Variants in ABCA10 observed in about 807,000 individuals in gnomAD.
ABCA10 encodes the protein ATP binding cassette subfamily A member 10, also known as ATP-binding cassette sub-family A member 10.
ABCA10 carries 169 observed loss-of-function variants against 187.5 expected under a neutral mutation model. The observed-to-expected ratio is 0.90, with a 90% CI of 0.80 to 1.02. The LOEUF (loss-of-function observed/expected upper bound fraction) is 1.02. ABCA10 is among the 50% of genes least tolerant of loss of function. The probability of loss-of-function intolerance (pLI) is 0.00; values close to 1 mark genes in which losing one functional copy is unlikely to be tolerated. For synonymous variants in ABCA10, 574 were observed against 601.8 expected (o/e 0.95, Z 0.68); for missense variants, 1,727 against 1,812.4 (o/e 0.95, Z 0.86).
In ABCA10 at chr17:69,196,340, G is replaced by A. The variant is rs1372991530; in HGVS notation, c.1234+724C>T. The A allele has an allele frequency of 5.7e-5, 10 of 173,992 alleles. No individual in the cohort carries two copies. The East Asian group carries it at 1.4e-3, about 25-fold the overall frequency. 10.8% of individuals were successfully genotyped at this position (173,992 alleles called of 1,614,324 possible). A position where few individuals can be genotyped will look rare whatever the true frequency, so the allele number is the denominator to read the frequency against. Reference sequence around the variant, plus strand: ...CTCCTCATCTCCCAGACAGGGTGGCGGTCGGGCAGAGACACTCCTCAGTTC... The same window carrying A: ...CTCCTCATCTCCCAGACAGGGTGGCAGTCGGGCAGAGACACTCCTCAGTTC... On this transcript the variant is annotated intron_variant, in intron 11 of 38. Transcript: ENST00000690296.
upstream of ABCA10, among the ~76,000 whole-genome samples, chr17:69,232,268 C>A (rs1236528860): frequency 6.6e-6 from 1 of 152,058 alleles, no homozygotes; most frequent in Non-Finnish European, 1.5e-5. Flanking sequence ...GGGCTTACTG[C>A]TGCCATTTTG....
chr17:69,199,266 C>CTTCTT (rs10654119), intron 10 of ABCA10, among the ~76,000 whole-genome samples: 112,129 of 151,470 alleles, frequency 0.74, 41,984 homozygotes, highest in African/African-American at 0.83. Flanking sequence ...AGCTCTACTA[C>CTTCTT]TTATCAGTTA....
chr17:69,152,279 G>A, intron 35 of ABCA10, 83 bp downstream of exon 35: 1 of 1,576,450 alleles, frequency 6.3e-7, no homozygotes, highest in Non-Finnish European at 8.6e-7. Context: ...TTAGGGAGCT[G>A]TAGAGCATCA....
At chr17:69,195,392 A>C (rs971520133) in intron 11 of ABCA10, among the ~76,000 whole-genome samples, 3 of 151,766 alleles carry the variant, frequency 2.0e-5, no homozygotes, top group African/African-American at 4.8e-5. Flanking sequence ...GTATATATAC[A>C]AAAAAGATAA....
Position 69,155,804 on chromosome 17 carries a change from C to T in ABCA10, c.3576+1G>A, listed in dbSNP as rs181828588. 3 of 1,613,470 alleles carry T rather than the reference C, an allele frequency of 1.9e-6. No individual in the cohort carries two copies. The Admixed American group carries it at 5.0e-5, about 27-fold the overall frequency. On this transcript the variant is annotated splice_donor_variant, in intron 29 of 38. Coordinates refer to ENST00000690296, the MANE Select transcript of ABCA10 (RefSeq NM_001377321.1). LOFTEE classifies it high-confidence loss of function. The stretch of plus-strand genomic sequence containing the variant: ...TTAAGGGTCTAATCCCTGCTGTTCA[C>T]CTCCTCCAAGTTTGGAGCAGTGAGT...
At chr17:69,211,471 TA>T (rs1298853525) in intron 9 of ABCA10, among the ~76,000 whole-genome samples, 5 of 151,274 alleles carry the variant, frequency 3.3e-5, no homozygotes, top group African/African-American at 1.2e-4. Context: ...CTGGTTTTGG[TA>T]TTAGGGTGAT....
chr17:69,206,910 T>C (rs2074596171), intron 9 of ABCA10, among the ~76,000 whole-genome samples: 1 of 152,012 alleles, frequency 6.6e-6, no homozygotes, highest in African/African-American at 2.4e-5. Flanking sequence ...AAAACAAAAG[T>C]AGACACATGG....
chr17:69,199,857 T>C (rs765109791), intron 10 of ABCA10, among the ~76,000 whole-genome samples: 36 of 152,236 alleles, frequency 2.4e-4, no homozygotes, highest in Non-Finnish European at 4.3e-4. Flanking sequence ...TTTTCTGTTG[T>C]CAACGTAATT....
At chr17:69,156,687 T>C (rs561851479) in intron 28 of ABCA10, 145 bp downstream of exon 28, 109 of 374,152 alleles carry the variant, frequency 2.9e-4, no homozygotes, top group Non-Finnish European at 4.5e-4. Flanking sequence ...ATATTTAAAT[T>C]ACATTCAGAT....
Position 69,214,851 on chromosome 17 carries a change from T to C in ABCA10, c.859A>G (p.Ile287Val), listed in dbSNP as rs11657804. 0.39 allele frequency: 579,174 copies of C among 1,478,762 alleles called. 119,061 individuals are homozygous for C. The highest frequency in any genetic ancestry group is 0.42 in the Non-Finnish European group (472,668 of 1,114,050). The allele number at this position is 1,478,762 out of a possible 1,614,324, so 91.6% of individuals were successfully genotyped here. Residue 287 changes from isoleucine (I) to valine (V), a missense_variant and splice_region_variant, in exon 9 of 39, where the codon ATT becomes GTT. Ile to Val is a conservative substitution (Grantham distance 29, BLOSUM62 3). Coordinates refer to ENST00000690296, the MANE Select transcript of ABCA10 (RefSeq NM_001377321.1). ...PFAFTAGMAQ[I>V]THLDNYLSGV... ...CTTAAGTAATTATCCAGGTGTGTAA[T>C]CTGAGATTTAAAAGAAAAAATAAAA...
chr17:69,206,803 C>G (rs1430287639), intron 9 of ABCA10, among the ~76,000 whole-genome samples: 1 of 152,130 alleles, frequency 6.6e-6, no homozygotes, highest in East Asian at 1.9e-4. Flanking sequence ...AAACCTGAAA[C>G]TGTAAAACTA....
At chr17:69,241,575 GT>G (rs2074903581) in intron 1 of ABCA10, among the ~76,000 whole-genome samples, 1 of 152,054 alleles carries the variant, frequency 6.6e-6, no homozygotes, top group Non-Finnish European at 1.5e-5. Context: ...AGCTTCACTG[GT>G]TCTGTTTCTC....
chr17:69,189,074 T>C (rs927142547), intron 18 of ABCA10, among the ~76,000 whole-genome samples: 4 of 152,210 alleles, frequency 2.6e-5, no homozygotes, highest in African/African-American at 9.6e-5. Context: ...GGTCAAATGA[T>C]AGTTCTATTT....
At chr17:69,209,124 A>C (rs1362239865) in intron 9 of ABCA10, among the ~76,000 whole-genome samples, 2 of 152,364 alleles carry the variant, frequency 1.3e-5, no homozygotes, top group East Asian at 3.9e-4. Context: ...TGCATACAGA[A>C]GTAGACAAGG....
intron 16 of ABCA10, among the ~76,000 whole-genome samples, chr17:69,192,005 T>A (rs186394336): frequency 4.6e-5 from 7 of 152,304 alleles, no homozygotes; most frequent in Admixed American, 2.0e-4. Flanking sequence ...TAAAGATAAT[T>A]TTTTTCTATA....
At chr17:69,238,321 G>A (rs981675170) in intron 1 of ABCA10, among the ~76,000 whole-genome samples, 2 of 151,976 alleles carry the variant, frequency 1.3e-5, no homozygotes, top group African/African-American at 4.8e-5. Flanking sequence ...GTTTTTTTAA[G>A]CCACTCAATT....
At chr17:69,151,568 C>T (rs1485687712) in intron 36 of ABCA10, among the ~76,000 whole-genome samples, 7 of 152,150 alleles carry the variant, frequency 4.6e-5, no homozygotes, top group Non-Finnish European at 1.0e-4. Flanking sequence ...TGGTTGACCA[C>T]ATACAACTTT....
At chr17:69,236,644 G>A (rs185173374) in intron 1 of ABCA10, among the ~76,000 whole-genome samples, 124 of 152,246 alleles carry the variant, frequency 8.1e-4, no homozygotes, top group African/African-American at 2.9e-3. Context: ...TTCCACTGAC[G>A]CCTTTGGATA....
intron 25 of ABCA10, among the ~76,000 whole-genome samples, chr17:69,165,604 T>C (rs1420568665): frequency 1.3e-5 from 2 of 152,160 alleles, no homozygotes; most frequent in African/African-American, 2.4e-5. Flanking sequence ...GGGCAGCCCA[T>C]ATCCCCACTC....
Sources: allele counts gnomAD v4.1 joint callset (sites outside exome capture counted in the v4.1 genomes callset), GRCh38; gene constraint gnomAD v4.1.1; transcripts MANE v1.5; gene names NCBI Gene and HGNC (gene_info 2026-07-23, HGNC 2026-07-21).